The following COX7B variants were observed in gnomAD, a reference collection of about 807,000 sequenced individuals.
COX7B encodes the protein cytochrome c oxidase subunit 7B, mitochondrial.
COX7B carries 2 observed loss-of-function variants against 7.9 expected under a neutral mutation model. The ratio of observed to expected loss-of-function variants is 0.25; its 90% CI spans 0.10 to 0.79. COX7B has a LOEUF of 0.79. Ranked by LOEUF, COX7B falls within the 30% of genes least tolerant of loss-of-function variation. The pLI is 0.69. For synonymous variants in COX7B, 19 were observed against 21.1 expected (o/e 0.90, Z 0.27); for missense variants, 54 against 62.7 (o/e 0.86, Z 0.47).
rs1008914359 is a variant in COX7B, at chrX:77,907,329, A to G, written c.*2068A>G. ...TACATACAACCCTGAGCGATATTGA[A>G]GTAAAATAAACATGTATTTAAGGAA... On this transcript the variant is annotated 3_prime_UTR_variant, in exon 3 of 3. Coordinates refer to ENST00000650309, the MANE Select transcript of COX7B (RefSeq NM_001866.3). 8.9e-6 allele frequency: 1 copy of G among 112,354 alleles called. No individual in the cohort carries two copies. The highest frequency in any genetic ancestry group is 1.9e-5 in the Non-Finnish European group (1 of 53,317). The allele number at this position is 112,354 out of a possible 1,213,427, so 9.3% of individuals were successfully genotyped here.
chrX:77,899,651 G>T, intron 1 of COX7B, 58 bp downstream of exon 1: 1 of 1,104,687 alleles, frequency 9.1e-7, no homozygotes. Flanking sequence ...TGTCCTCGCG[G>T]CCTCTCGTGT....
intron 2 of COX7B, among the ~76,000 whole-genome samples, chrX:77,903,608 ATAATAGAAAATTGCTATC>A (rs1557220820): frequency 2.7e-5 from 3 of 111,231 alleles, no homozygotes; most frequent in Non-Finnish European, 5.7e-5. Context: ...CAGCCATCAG[ATAATAGAAAATTGCTATC>A]ATATCTCCTC....
intron 1 of COX7B, among the ~76,000 whole-genome samples, chrX:77,900,935 T>A (rs1480188891): frequency 8.9e-6 from 1 of 112,321 alleles, no homozygotes; most frequent in Non-Finnish European, 1.9e-5. Flanking sequence ...GTTGAAGTTA[T>A]GAGATGTTGC....
chrX:77,905,029 A>G (rs1278590447), intron 2 of COX7B, among the ~76,000 whole-genome samples, 155 bp from the exon 3 acceptor site: 3 of 112,002 alleles, frequency 2.7e-5, no homozygotes, highest in African/African-American at 9.7e-5. Context: ...TAGGACAGCA[A>G]TCAGGTTTGG....
At chrX:77,901,777 T>G (rs1174702301) in intron 1 of COX7B, 1 of 111,408 alleles carries the variant, frequency 9.0e-6, no homozygotes, top group Non-Finnish European at 1.9e-5. Flanking sequence ...CAGGCTGGAG[T>G]GTAGTGGTGT....
chrX:77,902,680 C>T lies in COX7B; in HGVS notation c.78C>T (p.His26=). ...SIQQTMARQS[H]QKRTPDFHDK... is the part of the protein sequence containing the mutation. The stretch of plus-strand genomic sequence containing the variant: ...AGCAAACAATGGCAAGGCAGAGCCA[C>T]CAGAAACGTACACCTGATTTTCATG... Residue 26 remains histidine, a synonymous_variant, in exon 2 of 3, where the codon CAC becomes CAT. Transcript: ENST00000650309. 8.3e-7 allele frequency: 1 copy of T among 1,209,082 alleles called. No individual in the cohort carries two copies. The highest frequency in any genetic ancestry group is 1.8e-5 in the South Asian group (1 of 56,870).
chrX:77,901,609 C>T (rs781797880), intron 1 of COX7B: 1 of 111,760 alleles, frequency 8.9e-6, no homozygotes, highest in Non-Finnish European at 1.9e-5. Flanking sequence ...AAACTAAGTC[C>T]TTAGCTAATT....
chrX:77,900,546 C>T (rs2077117997), intron 1 of COX7B, among the ~76,000 whole-genome samples: 1 of 112,026 alleles, frequency 8.9e-6, no homozygotes, highest in Admixed American at 9.5e-5. Flanking sequence ...CCTTGAGTAA[C>T]GTGGGCAGTT....
Position 77,902,653 on chromosome X carries a change from T to C in COX7B, c.51T>C (p.Ile17=). The C allele has an allele frequency of 8.3e-7, 1 of 1,209,753 alleles. No individual in the cohort carries two copies. Among genetic ancestry groups the C allele is most frequent in the South Asian group, 1.8e-5 (1 of 56,895 alleles). Residue 17 remains isoleucine (I), a synonymous_variant, in exon 2 of 3, where the codon ATT becomes ATC. Transcript: ENST00000650309. ...SALNRLQVRS[I]QQTMARQSHQ... The stretch of plus-strand genomic sequence containing the variant: ...TCGTTTTCCTGTAAGTTCGAAGCAT[T>C]CAGCAAACAATGGCAAGGCAGAGCC...
intron 1 of COX7B, among the ~76,000 whole-genome samples, chrX:77,900,807 G>A (rs1284774494): frequency 8.9e-6 from 1 of 112,278 alleles, no homozygotes; most frequent in Non-Finnish European, 1.9e-5. Flanking sequence ...TAAGTAATTT[G>A]TAAATAATGC....
intron 1 of COX7B, among the ~76,000 whole-genome samples, chrX:77,900,782 T>C (rs1226265130): frequency 2.7e-5 from 3 of 112,752 alleles, no homozygotes; most frequent in Non-Finnish European, 3.7e-5. Context: ...AACCTCAGTT[T>C]CCTTCTTTGT....
At chrX:77,900,209 A>G (rs539797381) in intron 1 of COX7B, among the ~76,000 whole-genome samples, 3 of 111,423 alleles carry the variant, frequency 2.7e-5, no homozygotes, top group African/African-American at 9.8e-5. Context: ...CCTACTAAAA[A>G]TACAAAAATT....
intron 2 of COX7B, 79 bp downstream of exon 2, chrX:77,902,846 T>C (rs112778094): frequency 8.3e-6 from 8 of 966,611 alleles, no homozygotes; most frequent in Middle Eastern, 3.3e-4. Context: ...CTTAACATAG[T>C]AGTGTACATA....
At chrX:77,899,731 A>AC in intron 1 of COX7B, 138 bp downstream of exon 1, 11 of 574,703 alleles carry the variant, frequency 1.9e-5, no homozygotes, top group Non-Finnish European at 2.9e-5. Context: ...GTCCCAAGTC[A>AC]TTGGGATGAT....
intron 1 of COX7B, among the ~76,000 whole-genome samples, chrX:77,900,585 CTATT>C (rs2077118079): frequency 8.9e-6 from 1 of 112,375 alleles, no homozygotes; most frequent in African/African-American, 3.2e-5. Context: ...CCCGTAATTA[CTATT>C]TAGTTTGTTT....
chrX:77,903,190 T>A (rs1199536784), intron 2 of COX7B: 1 of 98,009 alleles, frequency 1.0e-5, no homozygotes, highest in Non-Finnish European at 2.0e-5. Flanking sequence ...CAGGCCTGGC[T>A]ATTTTTTTTT....
rs1447816420 is a variant in COX7B, at chrX:77,906,281, T to C, written c.*1020T>C. On this transcript the variant is annotated 3_prime_UTR_variant, in exon 3 of 3. Coordinates refer to ENST00000650309, the MANE Select transcript of COX7B (RefSeq NM_001866.3). The stretch of plus-strand genomic sequence containing the variant: ...TTGTATTTATACCTGGAATTGGCAT[T>C]ATTAACTCCTTTTCACTCCTGCCTA... 2 of 111,886 alleles carry C rather than the reference T, an allele frequency of 1.8e-5. No individual in the cohort carries two copies. Among genetic ancestry groups the C allele is most frequent in the African/African-American group, 6.5e-5 (2 of 30,793 alleles). 9.2% of individuals were successfully genotyped at this position (111,886 alleles called of 1,213,427 possible). A position where few individuals can be genotyped will look rare whatever the true frequency, so the allele number is the denominator to read the frequency against.
Position 77,906,554 on chromosome X carries a change from GATT to G in COX7B, c.*1300_*1302del, listed in dbSNP as rs1557221173. The G allele has an allele frequency of 8.9e-6, 1 of 112,142 alleles. No homozygotes were observed. Among genetic ancestry groups the G allele is most frequent in the African/African-American group, 3.2e-5 (1 of 30,864 alleles). The allele number at this position is 112,142 out of a possible 1,213,427, so 9.2% of individuals were successfully genotyped here. On this transcript the variant is annotated 3_prime_UTR_variant, in exon 3 of 3. Transcript: ENST00000650309. ...AATTATAACAATGTTTGGATTTGTG[GATT>G]ATTATTTTAGTATATAACATTGGAT...
intron 2 of COX7B, among the ~76,000 whole-genome samples, chrX:77,904,635 C>G (rs2077129515): frequency 9.7e-6 from 1 of 103,545 alleles, no homozygotes; most frequent in African/African-American, 3.6e-5. Flanking sequence ...TAAAGCGAGA[C>G]TGTCTCAAAA....
Sources: gnomAD v4.1 joint callset for allele counts (sites outside exome capture counted in the v4.1 genomes callset) on GRCh38, gnomAD v4.1.1 for gene constraint, MANE v1.5 for transcripts, NCBI Gene and HGNC (gene_info 2026-07-23, HGNC 2026-07-21) for gene names.